Variants in VPS13A observed in about 807,000 individuals in gnomAD.
VPS13A encodes intermembrane lipid transfer protein VPS13A.
A neutral mutation model predicts 390.9 loss-of-function variants in VPS13A; 264 were observed. The ratio of observed to expected loss-of-function variants is 0.68; its 90% CI spans 0.61 to 0.75. The LOEUF is 0.75. Ranked by LOEUF, VPS13A falls within the 30% of genes least tolerant of loss-of-function variation. The pLI, the probability that VPS13A is intolerant of heterozygous loss-of-function variation, is 0.00. For synonymous variants in VPS13A, 1,231 were observed against 1,227.1 expected (o/e 1.00, Z -0.07); for missense variants, 3,409 against 3,733.9 (o/e 0.91, Z 2.27).
chr9:77,228,073 C>A, intron 16 of VPS13A, 49 bp from the exon 17 acceptor site: 1 of 1,281,954 alleles, frequency 7.8e-7, no homozygotes, highest in Non-Finnish European at 1.1e-6. Context: ...ATTTGTTATG[C>A]TTATATATAT....
At chr9:77,303,562 G>T (rs553127347) in intron 34 of VPS13A, among the ~76,000 whole-genome samples, 1 of 152,080 alleles carries the variant, frequency 6.6e-6, no homozygotes, top group Non-Finnish European at 1.5e-5. Context: ...GCACACCAAG[G>T]ACCTGCACTG....
At chr9:77,403,373 G>A (rs770992032) in intron 69 of VPS13A, 52 bp downstream of exon 69, 22 of 1,386,024 alleles carry the variant, frequency 1.6e-5, no homozygotes, top group South Asian at 7.0e-5. Context: ...AACTGACAGC[G>A]ACTCATGAGG....
At chr9:77,366,389 G>A (rs980670508) in intron 60 of VPS13A, among the ~76,000 whole-genome samples, 10 of 151,932 alleles carry the variant, frequency 6.6e-5, no homozygotes, top group Admixed American at 4.6e-4. Flanking sequence ...CATATAAGTT[G>A]GGGACCATAT....
chr9:77,414,734 TATAATTA>T (rs1377447702), intron 71 of VPS13A, among the ~76,000 whole-genome samples: 1 of 120,870 alleles, frequency 8.3e-6, no homozygotes, highest in African/African-American at 3.5e-5. Context: ...AAACTTGAAG[TATAATTA>T]ATAATAATAA....
intron 35 of VPS13A, among the ~76,000 whole-genome samples, chr9:77,308,693 C>T (rs978683280): frequency 3.3e-5 from 5 of 152,064 alleles, no homozygotes; most frequent in Non-Finnish European, 7.4e-5. Context: ...TCAGCACCAG[C>T]GCATACAGAG....
chr9:77,344,728 C>T (rs1160995448), intron 51 of VPS13A, among the ~76,000 whole-genome samples: 1 of 151,320 alleles, frequency 6.6e-6, no homozygotes, highest in African/African-American at 2.4e-5. Context: ...CACTGCACTC[C>T]AGCCTAGGCG....
intron 47 of VPS13A, 144 bp from the exon 48 acceptor site, chr9:77,339,372 A>G: frequency 1.3e-6 from 1 of 749,256 alleles, no homozygotes; most frequent in South Asian, 1.9e-5. Flanking sequence ...ACAAAGTTAG[A>G]ACTTGAATGT....
Position 77,318,428 on chromosome 9 carries a change from C to G in VPS13A, c.5150C>G (p.Pro1717Arg), listed in dbSNP as rs751808821. 1 of 1,613,620 alleles carries G rather than the reference C, an allele frequency of 6.2e-7. No homozygotes were observed. The highest frequency in any genetic ancestry group is 2.2e-5 in the East Asian group (1 of 44,820). ...EKIAPTTELV[P>R]KGEMIKMNID... ...ATAGCTCCCACAACTGAATTGGTAC[C>G]CAAAGGCGAGATGATAAAAATGAAC... Residue 1717 changes from proline (P) to arginine (R), a missense_variant, in exon 41 of 72, where the codon CCC becomes CGC. Physicochemically the swap from Pro to Arg is moderately radical, Grantham distance 103. Coordinates refer to ENST00000360280, the MANE Select transcript of VPS13A (RefSeq NM_033305.3).
At chr9:77,282,052 T>C (rs2131346837) in intron 28 of VPS13A, 69 bp from the exon 29 acceptor site, 3 of 1,472,856 alleles carry the variant, frequency 2.0e-6, no homozygotes, top group Non-Finnish European at 2.8e-6. Context: ...CCACAAAGCA[T>C]AGTGCCTTGT....
intron 43 of VPS13A, 40 bp downstream of exon 43, chr9:77,321,367 T>A (rs1214692407): frequency 6.3e-7 from 1 of 1,583,498 alleles, no homozygotes; most frequent in South Asian, 1.1e-5. Context: ...TTGAGATACT[T>A]GTCTGATTGA....
rs1468023889 is a variant in VPS13A at position 77,344,196 on chromosome 9, T to C, written c.7070T>C (p.Ile2357Thr). ...GAGTATGCTTCTAGTAAACTTCTTA[T>C]TCAAGTCGAAAGGAGTGAAGATCCT... ...WPEYASSKLL[I>T]QVERSEDPPK... Residue 2357 changes from isoleucine to threonine, a missense_variant, in exon 51 of 72, where the codon ATT becomes ACT. Physicochemically the swap from Ile to Thr is moderately conservative, Grantham distance 89. This residue lies in a region of VPS13A where 2,717 missense variants were observed against 2,917.4 expected (regional missense o/e 0.93). Transcript: ENST00000360280. 3.1e-6 allele frequency: 5 copies of C among 1,612,120 alleles called. No individual in the cohort carries two copies. The highest frequency in any genetic ancestry group is 4.2e-6 in the Non-Finnish European group (5 of 1,178,452).
intron 21 of VPS13A, among the ~76,000 whole-genome samples, chr9:77,251,689 A>G (rs1266582750): frequency 2.0e-5 from 3 of 152,180 alleles, no homozygotes; most frequent in Non-Finnish European, 2.9e-5. Context: ...CTATATGGCT[A>G]TGGTCTCAGT....
intron 35 of VPS13A, among the ~76,000 whole-genome samples, chr9:77,308,383 C>T (rs934377870): frequency 6.6e-6 from 1 of 151,780 alleles, no homozygotes; most frequent in African/African-American, 2.4e-5. Flanking sequence ...TAACAAAATT[C>T]CTCAGTATAT....
chr9:77,332,987 G>A (rs1000581546), intron 46 of VPS13A, among the ~76,000 whole-genome samples: 3 of 152,130 alleles, frequency 2.0e-5, no homozygotes, highest in African/African-American at 7.2e-5. Context: ...TAAACCTAAA[G>A]AGTGTTTTAT....
chr9:77,368,194 G>A, intron 62 of VPS13A, 58 bp downstream of exon 62: 3 of 1,369,200 alleles, frequency 2.2e-6, no homozygotes, highest in Non-Finnish European at 3.1e-6. Context: ...AAAACCTTTT[G>A]TGTCTATACA....
At chr9:77,325,136 A>G (rs771524128) in intron 45 of VPS13A, among the ~76,000 whole-genome samples, 13 of 152,232 alleles carry the variant, frequency 8.5e-5, no homozygotes, top group Non-Finnish European at 1.3e-4. Flanking sequence ...ATCATCAGGC[A>G]TTAGTTAAAT....
Position 77,407,502 on chromosome 9 carries a change from T to C in VPS13A, c.9400-31T>C, listed in dbSNP as rs759572818. ...TATGGATTTTTACAACCAGATTATCTTTTTAATGAATTTACATATTCTGTT... is the reference window on the plus strand; with the variant it reads ...TATGGATTTTTACAACCAGATTATCCTTTTAATGAATTTACATATTCTGTT... On this transcript the variant is annotated intron_variant, in intron 70 of 71. Transcript: ENST00000360280. The C allele has an allele frequency of 8.9e-6, 14 of 1,572,636 alleles. No individual in the cohort carries two copies. In the African/African-American group the frequency reaches 1.2e-4, roughly 14 times the overall value.
chr9:77,347,392 C>T (rs10781432), intron 52 of VPS13A, among the ~76,000 whole-genome samples: 80,269 of 152,038 alleles, frequency 0.53, 21,359 homozygotes, highest in South Asian at 0.59. Flanking sequence ...ATCTCCCCTG[C>T]CATTATCCTA....
chr9:77,378,255 A>G (rs1447835011), intron 67 of VPS13A, among the ~76,000 whole-genome samples: 1 of 152,058 alleles, frequency 6.6e-6, no homozygotes, highest in African/African-American at 2.4e-5. Context: ...AAAAATTTGG[A>G]GAATTGATCA....
Sources: gnomAD v4.1 joint callset for allele counts (sites outside exome capture counted in the v4.1 genomes callset) on GRCh38, gnomAD v4.1.1 for gene constraint, gnomAD v4.1.1 regional missense constraint, MANE v1.5 for transcripts, NCBI Gene and HGNC (gene_info 2026-07-23, HGNC 2026-07-21) for gene names.